The following RRM2B variants were observed in gnomAD, a reference collection of about 807,000 sequenced individuals.
RRM2B encodes the protein ribonucleotide reductase regulatory TP53 inducible subunit M2B.
Under a neutral mutation model 45.9 loss-of-function variants are expected in RRM2B, and 20 were observed. That is an observed-to-expected ratio of 0.44 (90% CI 0.31 to 0.63). The LOEUF (loss-of-function observed/expected upper bound fraction) is 0.63. Among genes scored for constraint, RRM2B ranks in the 30% least tolerant of loss-of-function variants. The probability of loss-of-function intolerance (pLI) is 0.09; values close to 1 mark genes in which losing one functional copy is unlikely to be tolerated. For synonymous variants in RRM2B, 124 were observed against 132.3 expected (o/e 0.94, Z 0.43); for missense variants, 320 against 414.7 (o/e 0.77, Z 1.98).
intron 2 of RRM2B, 39 bp downstream of exon 2, chr8:102,232,110 C>T: frequency 1.9e-6 from 3 of 1,582,788 alleles, no homozygotes; most frequent in Non-Finnish European, 2.6e-6. Flanking sequence ...GAACACTGCA[C>T]TATAGGATGT....
chr8:102,210,800 A>G (rs1195637168), intron 8 of RRM2B, among the ~76,000 whole-genome samples: 1 of 151,988 alleles, frequency 6.6e-6, no homozygotes, highest in Non-Finnish European at 1.5e-5. Context: ...GGGTCTTGCT[A>G]TATTGCTGAA....
intron 2 of RRM2B, among the ~76,000 whole-genome samples, chr8:102,228,746 G>A (rs954708018): frequency 6.6e-5 from 10 of 152,220 alleles, no homozygotes; most frequent in Non-Finnish European, 1.0e-4. Context: ...GGGGCTGAGC[G>A]CAATGGGTTC....
At position 102,218,945 on chromosome 8, in the gene RRM2B, C is replaced by T. The variant is rs770368778; in HGVS notation, c.553G>A (p.Glu185Lys). Reference protein sequence around the residue: ...WIADRKSTFGERVVAFAAVEG... With the variant: ...WIADRKSTFGKRVVAFAAVEG... ...ACAGCAGCAAAGGCCACCACTCTTT[C>T]CCCTGGGAGACATAAAATCGTTTCA... Residue 185 changes from glutamate to lysine, a missense_variant and splice_region_variant, in exon 6 of 9, where the codon GAA becomes AAA. This residue lies in a region of RRM2B where 225 missense variants were observed against 289.4 expected (regional missense o/e 0.78). Coordinates refer to ENST00000251810, the MANE Select transcript of RRM2B (RefSeq NM_015713.5). 1 of 1,613,108 alleles carries T rather than the reference C, an allele frequency of 6.2e-7. No homozygotes were observed.
At chr8:102,235,521 C>G (rs1438722191) in intron 1 of RRM2B, among the ~76,000 whole-genome samples, 1 of 152,228 alleles carries the variant, frequency 6.6e-6, no homozygotes, top group Non-Finnish European at 1.5e-5. Flanking sequence ...AATATCCTCA[C>G]AAAGTCAACT....
Position 102,204,713 on chromosome 8 carries a change from A to T in RRM2B, c.*3420T>A, listed in dbSNP as rs1170398969. 1.3e-5 allele frequency: 2 copies of T among 152,220 alleles called. No individual in the cohort carries two copies. Among genetic ancestry groups the T allele is most frequent in the African/African-American group, 4.8e-5 (2 of 41,480 alleles). The allele number at this position is 152,220 out of a possible 1,614,324, so 9.4% of individuals were successfully genotyped here. A position where few individuals can be genotyped will look rare whatever the true frequency, so the allele number is the denominator to read the frequency against. On this transcript the variant is annotated 3_prime_UTR_variant, in exon 9 of 9. Coordinates refer to ENST00000251810, the MANE Select transcript of RRM2B (RefSeq NM_015713.5). ...ACCATAATGTATTTCAGCAAAAAAA[A>T]TTTAGATACACCACACATAATAAAG... is the stretch of plus-strand genomic sequence containing the variant.
chr8:102,236,730 G>C (rs1042883840), intron 1 of RRM2B, among the ~76,000 whole-genome samples: 6 of 152,202 alleles, frequency 3.9e-5, no homozygotes, highest in African/African-American at 1.4e-4. Context: ...AAAGTGATGA[G>C]AATTTGAAAT....
chr8:102,207,981 A>T lies in RRM2B; in HGVS notation c.*152T>A. ...TCTTGTTGTTAAACAGGAAAATTAT[A>T]TAAATGCAAATTGTTTAGAATAGGT... On this transcript the variant is annotated 3_prime_UTR_variant, in exon 9 of 9. Transcript: ENST00000251810. 1.6e-6 allele frequency: 1 copy of T among 627,136 alleles called. No individual in the cohort carries two copies. The highest frequency in any genetic ancestry group is 2.0e-5 in the South Asian group (1 of 50,416). 38.8% of individuals were successfully genotyped at this position (627,136 alleles called of 1,614,324 possible). A position where few individuals can be genotyped will look rare whatever the true frequency, so the allele number is the denominator to read the frequency against.
intron 5 of RRM2B, chr8:102,219,154 T>A: frequency 1.7e-6 from 1 of 586,042 alleles, no homozygotes; most frequent in Non-Finnish European, 3.0e-6. Context: ...AAATCCTCTG[T>A]CAGACGATGG....
rs150854932 is a variant in RRM2B, at chr8:102,232,284, G to A, written c.69C>T (p.Asn23=). 7.0e-5 allele frequency: 113 copies of A among 1,613,966 alleles called. No homozygotes were observed. The highest frequency in any genetic ancestry group is 9.2e-5 in the Non-Finnish European group (108 of 1,179,986). ...DQDERSSSDT[N]ESEIKSNEEP... is the part of the protein sequence containing the mutation. ...CTTCATTTGACTTTATTTCACTTTC[G>A]TTGGTGTCTGAAGATGATCTCTTTG... is the stretch of plus-strand genomic sequence containing the variant. Residue 23 remains asparagine (N), a synonymous_variant, in exon 2 of 9, where the codon AAC becomes AAT. Coordinates refer to ENST00000251810, the MANE Select transcript of RRM2B (RefSeq NM_015713.5).
In RRM2B at chr8:102,218,963, T is replaced by C; in HGVS notation, c.551-16A>G. 1 of 1,612,326 alleles carries C rather than the reference T, an allele frequency of 6.2e-7. No individual in the cohort carries two copies. Among genetic ancestry groups the C allele is most frequent in the East Asian group, 2.2e-5 (1 of 44,874 alleles). ...ACTCTTTCCCCTGGGAGACATAAAA[T>C]CGTTTCAATTTTTGAAATATACTGC... On this transcript the variant is annotated splice_polypyrimidine_tract_variant and intron_variant, in intron 5 of 8. Coordinates refer to ENST00000251810, the MANE Select transcript of RRM2B (RefSeq NM_015713.5).
At chr8:102,210,435 A>C in intron 8 of RRM2B, among the ~76,000 whole-genome samples, 1 of 152,200 alleles carries the variant, frequency 6.6e-6, no homozygotes, top group East Asian at 1.9e-4. Flanking sequence ...AAGACCAAAA[A>C]AACAAACTAA....
chr8:102,238,772 A>G (rs749769429), intron 1 of RRM2B, 55 bp downstream of exon 1: 16 of 1,613,146 alleles, frequency 9.9e-6, no homozygotes, highest in Admixed American at 1.7e-5. Flanking sequence ...GCAACTTGCA[A>G]TCTAACGGGC....
chr8:102,230,932 A>C (rs914672554), intron 2 of RRM2B, among the ~76,000 whole-genome samples: 1 of 152,230 alleles, frequency 6.6e-6, no homozygotes, highest in Non-Finnish European at 1.5e-5. Flanking sequence ...TTCCATAGCT[A>C]GTAAGTAGTG....
intron 5 of RRM2B, among the ~76,000 whole-genome samples, chr8:102,221,484 G>A (rs1346199148): frequency 6.6e-6 from 1 of 152,146 alleles, no homozygotes; most frequent in African/African-American, 2.4e-5. Flanking sequence ...GCAGTGTGCA[G>A]CAAAGCAAGG....
intron 1 of RRM2B, 185 bp downstream of exon 1, chr8:102,238,642 T>C (rs1326509336): frequency 1.3e-6 from 2 of 1,533,954 alleles, no homozygotes; most frequent in Admixed American, 2.0e-5. Context: ...GTCAGCTCCT[T>C]CCTCCGCCCT....
intron 8 of RRM2B, among the ~76,000 whole-genome samples, chr8:102,210,686 C>T (rs954238832): frequency 3.3e-5 from 5 of 152,180 alleles, no homozygotes; most frequent in African/African-American, 1.2e-4. Context: ...TGGTCTTGAA[C>T]TCCTGACCTC....
In RRM2B at chr8:102,232,242, C is replaced by G; in HGVS notation, c.111G>C (p.Lys37Asn). The G allele has an allele frequency of 1.2e-6, 2 of 1,614,134 alleles. No homozygotes were observed. The highest frequency in any genetic ancestry group is 1.7e-6 in the Non-Finnish European group (2 of 1,179,964). The change falls in exon 2 of 9, where the codon AAG becomes AAC. Residue 37 changes from lysine to asparagine, a missense_variant. Physicochemically the swap from Lys to Asn is moderately conservative, Grantham distance 94. Around this residue, in one of 3 missense-constraint regions of RRM2B, gnomAD observed 225 missense variants for 289.4 expected, o/e 0.78. Transcript: ENST00000251810. Reference sequence around the variant, plus strand: ...GAAAGATGACAAACCGGCGAGAACTCTTTCTTAGGAGTGGCTCTTCATTTG... The same window carrying G: ...GAAAGATGACAAACCGGCGAGAACTGTTTCTTAGGAGTGGCTCTTCATTTG... ...IKSNEEPLLR[K>N]SSRRFVIFPI...
At chr8:102,229,564 TCTTC>T (rs1367544625) in intron 2 of RRM2B, among the ~76,000 whole-genome samples, 3 of 150,216 alleles carry the variant, frequency 2.0e-5, no homozygotes, top group Admixed American at 6.7e-5. Flanking sequence ...AAGGACATCT[TCTTC>T]ATTCATATAT....
intron 1 of RRM2B, chr8:102,238,433 G>C: frequency 2.6e-6 from 2 of 782,664 alleles, no homozygotes; most frequent in Non-Finnish European, 3.6e-6. Context: ...ATCCCAAATG[G>C]TATGCACCTC....
Sources: gnomAD v4.1 joint callset for allele counts (sites outside exome capture counted in the v4.1 genomes callset) on GRCh38, gnomAD v4.1.1 for gene constraint, gnomAD v4.1.1 regional missense constraint, MANE v1.5 for transcripts, NCBI Gene and HGNC (gene_info 2026-07-23, HGNC 2026-07-21) for gene names.